Variants in RIMKLB observed in about 807,000 individuals in gnomAD.
RIMKLB encodes the protein beta-citrylglutamate synthase B.
Under a neutral mutation model 32.0 loss-of-function variants are expected in RIMKLB, and 7 were observed. That is an observed-to-expected ratio of 0.22 (90% CI 0.12 to 0.41). RIMKLB has a LOEUF of 0.41. Among genes scored for constraint, RIMKLB ranks in the 10% least tolerant of loss-of-function variants. RIMKLB has a pLI of 1.00. For missense variants in RIMKLB, 289 were observed against 498.7 expected (o/e 0.58, Z 4.00); for synonymous variants, 172 against 185.1 (o/e 0.93, Z 0.57).
intron 5 of RIMKLB, among the ~76,000 whole-genome samples, chr12:8,760,693 C>T (rs186499807): frequency 1.2e-3 from 176 of 152,248 alleles, no homozygotes; most frequent in African/African-American, 4.1e-3. Context: ...CTCTGATGGC[C>T]AGTGATGATG....
intron 5 of RIMKLB, among the ~76,000 whole-genome samples, chr12:8,758,009 A>G (rs1302877344): frequency 6.7e-6 from 1 of 149,992 alleles, no homozygotes; most frequent in African/African-American, 2.5e-5. Flanking sequence ...TTGCCCAGGC[A>G]GGTCTCGAAC....
chr12:8,718,284 G>C (rs975593179), intron 2 of RIMKLB, among the ~76,000 whole-genome samples: 7 of 152,108 alleles, frequency 4.6e-5, no homozygotes, highest in Non-Finnish European at 8.8e-5. Flanking sequence ...CTCTGAAATA[G>C]AATTGACAAA....
intron 1 of RIMKLB, among the ~76,000 whole-genome samples, chr12:8,708,098 A>G (rs755678534): frequency 6.6e-6 from 1 of 152,224 alleles, no homozygotes; most frequent in African/African-American, 2.4e-5. Flanking sequence ...ATAGAGTTCT[A>G]TACAGATTCC....
chr12:8,751,642 G>A (rs1001034936), intron 3 of RIMKLB, among the ~76,000 whole-genome samples: 1 of 152,086 alleles, frequency 6.6e-6, no homozygotes, highest in Non-Finnish European at 1.5e-5. Context: ...AGTAAATCTT[G>A]GGGCTTCTGT....
downstream of RIMKLB, among the ~76,000 whole-genome samples, chr12:8,778,331 G>A (rs1950854336): frequency 6.6e-6 from 1 of 152,162 alleles, no homozygotes; most frequent in Non-Finnish European, 1.5e-5. Context: ...CTTTATAAAA[G>A]TGAAAGGGAA....
chr12:8,734,959 A>G (rs879537879), intron 2 of RIMKLB, among the ~76,000 whole-genome samples: 13 of 152,194 alleles, frequency 8.5e-5, no homozygotes, highest in Admixed American at 8.5e-4. Context: ...CTAAGCAAAT[A>G]ATACATTAAG....
chr12:8,770,599 C>G (rs74061811), intron 5 of RIMKLB, among the ~76,000 whole-genome samples: 2,564 of 152,180 alleles, frequency 0.017, 71 homozygotes, highest in African/African-American at 0.057. Context: ...TCCTGGTGGG[C>G]TATCAGAGTC....
At chr12:8,674,021 G>T in the RIMKLB span, among the ~76,000 whole-genome samples, 3 of 152,170 alleles carry the variant, frequency 2.0e-5, no homozygotes, top group African/African-American at 7.2e-5. Flanking sequence ...CACAGGGTCG[G>T]TTCCAATTTA....
chr12:8,769,320 T>C (rs1459640054), intron 5 of RIMKLB, among the ~76,000 whole-genome samples: 2 of 152,158 alleles, frequency 1.3e-5, no homozygotes, highest in African/African-American at 4.8e-5. Context: ...ACTAGCATAA[T>C]TGTTTTTTAT....
chr12:8,698,715 C>T (rs1231087133), intron 1 of RIMKLB, among the ~76,000 whole-genome samples: 1 of 151,412 alleles, frequency 6.6e-6, no homozygotes, highest in Non-Finnish European at 1.5e-5. Flanking sequence ...CCTCCCCCCC[C>T]TTCCCACAAA....
intron 2 of RIMKLB, chr12:8,742,604 C>A: frequency 3.5e-6 from 1 of 286,748 alleles, no homozygotes; most frequent in Admixed American, 4.1e-5. Flanking sequence ...CTGGGAGAAG[C>A]TTCTACTGGC....
At chr12:8,706,480 C>T (rs1454447099) in intron 1 of RIMKLB, among the ~76,000 whole-genome samples, 19 of 115,426 alleles carry the variant, frequency 1.6e-4, no homozygotes, top group South Asian at 2.9e-4. Flanking sequence ...GACTGAGTTT[C>T]GCTCTTGTCA....
At chr12:8,691,277 C>T (rs1219387706) in intron 1 of RIMKLB, among the ~76,000 whole-genome samples, 1 of 152,116 alleles carries the variant, frequency 6.6e-6, no homozygotes, top group African/African-American at 2.4e-5. Flanking sequence ...AGGCATGTGC[C>T]ACCACACTTG....
At chr12:8,751,801 T>A (rs1226987767) in intron 3 of RIMKLB, among the ~76,000 whole-genome samples, 156 bp from the exon 4 acceptor site, 1 of 152,216 alleles carries the variant, frequency 6.6e-6, no homozygotes, top group Non-Finnish European at 1.5e-5. Context: ...TCTGTTATAT[T>A]TTCAACTTAC....
upstream of RIMKLB, among the ~76,000 whole-genome samples, chr12:8,696,460 T>C (rs982929372): frequency 1.3e-5 from 2 of 152,252 alleles, no homozygotes; most frequent in Non-Finnish European, 2.9e-5. Flanking sequence ...GACCTAACAT[T>C]ATAATAGCAC....
intron 2 of RIMKLB, 57 bp downstream of exon 2, chr12:8,714,098 C>A: frequency 6.9e-7 from 1 of 1,442,110 alleles, no homozygotes; most frequent in Non-Finnish European, 9.7e-7. Context: ...GATGAATCTG[C>A]ATGTTTTAGG....
intron 2 of RIMKLB, among the ~76,000 whole-genome samples, chr12:8,743,237 C>T (rs1947741707): frequency 6.6e-6 from 1 of 151,118 alleles, no homozygotes; most frequent in African/African-American, 2.5e-5. Context: ...GCCTGTAATC[C>T]CAGCTACTTG....
chr12:8,724,706 G>A (rs1401039209), intron 2 of RIMKLB, among the ~76,000 whole-genome samples: 1 of 152,156 alleles, frequency 6.6e-6, no homozygotes, highest in Non-Finnish European at 1.5e-5. Flanking sequence ...GATAGGCTTG[G>A]CACCTGGGTC....
downstream of RIMKLB, among the ~76,000 whole-genome samples, chr12:8,782,014 TTTTTTTCC>T (rs1350655278): frequency 2.0e-5 from 3 of 152,068 alleles, no homozygotes; most frequent in East Asian, 1.9e-4. Flanking sequence ...CAGCTTTTTT[TTTTTTTCC>T]TTTTTTCCTT....
Sources: gnomAD v4.1 joint callset for allele counts (sites outside exome capture counted in the v4.1 genomes callset) on GRCh38, gnomAD v4.1.1 for gene constraint, MANE v1.5 for transcripts, NCBI Gene and HGNC (gene_info 2026-07-23, HGNC 2026-07-21) for gene names.